Variants in AGBL4 observed in about 807,000 individuals in gnomAD.
AGBL4 encodes the protein cytosolic carboxypeptidase 6.
AGBL4 carries 58 observed loss-of-function variants against 66.4 expected under a neutral mutation model. That is an observed-to-expected ratio of 0.87 (90% CI 0.71 to 1.09). The LOEUF (loss-of-function observed/expected upper bound fraction) is 1.09, where lower values mean the gene tolerates loss of function less well. Among genes scored for constraint, AGBL4 ranks in the 50% least tolerant of loss-of-function variants. The probability of loss-of-function intolerance (pLI) is 0.00; values close to 1 mark genes in which losing one functional copy is unlikely to be tolerated. For missense variants in AGBL4, 579 were observed against 631.0 expected (o/e 0.92, Z 0.88); for synonymous variants, 234 against 222.9 (o/e 1.05, Z -0.44).
chr1:49,937,753 T>G lies in AGBL4; in HGVS notation c.34+86010A>C, dbSNP rs528153367. Among the ~76,000 whole-genome samples the G allele has an allele frequency of 1.3e-3, 195 of 152,042 alleles. 1 individual carries two copies. Among genetic ancestry groups the G allele is most frequent in the Admixed American group, 2.7e-3 (41 of 15,270 alleles). On this transcript the variant is annotated intron_variant, in intron 1 of 13. Coordinates refer to ENST00000371839, the MANE Select transcript of AGBL4 (RefSeq NM_032785.4). ...TCCTGAATGACTACTGGGTACATAA[T>G]GAAATGAAGGCAGAAATAAAGATGT...
intron 1 of AGBL4, among the ~76,000 whole-genome samples, chr1:49,904,177 A>C (rs1650046061): frequency 6.6e-6 from 1 of 152,182 alleles, no homozygotes; most frequent in East Asian, 1.9e-4. Context: ...CCTTAGGGAA[A>C]TATAAATTAA....
At chr1:49,694,082 T>C (rs2124604912) in intron 3 of AGBL4, among the ~76,000 whole-genome samples, 1 of 152,266 alleles carries the variant, frequency 6.6e-6, no homozygotes, top group South Asian at 2.1e-4. Flanking sequence ...TTATACAATA[T>C]ATTTGATGCT....
At chr1:49,556,838 C>T (rs1222243268) in intron 3 of AGBL4, among the ~76,000 whole-genome samples, 1 of 152,108 alleles carries the variant, frequency 6.6e-6, no homozygotes, top group Admixed American at 6.6e-5. Context: ...AGGTCCTGAG[C>T]CCTGCCCTGC....
intron 2 of AGBL4, among the ~76,000 whole-genome samples, chr1:49,731,471 C>T (rs976519950): frequency 4.6e-5 from 7 of 152,154 alleles, no homozygotes; most frequent in East Asian, 1.9e-4. Flanking sequence ...ATAATAAATA[C>T]GTGCTGAATC....
intron 8 of AGBL4, chr1:48,647,514 G>C (rs1645856323): frequency 5.6e-6 from 2 of 357,314 alleles, no homozygotes; most frequent in Admixed American, 7.4e-5. Context: ...AGATTTTTAT[G>C]CCCAGAAACA....
At position 49,857,231 on chromosome 1, in the gene AGBL4, A is replaced by G. The variant is rs919673923; in HGVS notation, c.35-5713T>C. ...CTGATGAATATAAAAATAAAACACG[A>G]ACAAATAAAACAACCTCCCATGCTC... On this transcript the variant is annotated intron_variant, in intron 1 of 13. Coordinates refer to ENST00000371839, the MANE Select transcript of AGBL4 (RefSeq NM_032785.4). 3.3e-5 allele frequency among the ~76,000 whole-genome samples: 5 copies of G among 152,106 alleles called. No individual in the cohort carries two copies. In the East Asian group the frequency reaches 7.7e-4, roughly 23 times the overall value.
intron 4 of AGBL4, among the ~76,000 whole-genome samples, chr1:49,199,620 C>T (rs1271250123): frequency 6.6e-6 from 1 of 152,174 alleles, no homozygotes; most frequent in East Asian, 1.9e-4. Flanking sequence ...GACTACTAGT[C>T]TAGTCCTATT....
intron 3 of AGBL4, among the ~76,000 whole-genome samples, chr1:49,498,885 T>C (rs1647862598): frequency 1.3e-5 from 2 of 152,098 alleles, no homozygotes; most frequent in Admixed American, 1.3e-4. Context: ...TGTTGAACCA[T>C]CCTTACATTC....
chr1:48,631,583 C>T (rs916015028), intron 9 of AGBL4, among the ~76,000 whole-genome samples: 6 of 151,888 alleles, frequency 4.0e-5, no homozygotes, highest in Admixed American at 1.3e-4. Context: ...TAGTAGAGAC[C>T]GGGTTTTGCC....
In AGBL4 at chr1:49,881,031, G is replaced by A. The variant is rs187610265; in HGVS notation, c.35-29513C>T. On this transcript the variant is annotated intron_variant, in intron 1 of 13. Transcript: ENST00000371839. ...CCCTGCTTAGGCTCGCGCACAGTGC[G>A]CGCACCCACTGGCCTGCGCCCACTG... Among the ~76,000 whole-genome samples, 67 of 152,236 alleles carry A rather than the reference G, an allele frequency of 4.4e-4. 1 individual carries two copies. The highest frequency in any genetic ancestry group is 3.1e-3 in the Admixed American group (47 of 15,298).
chr1:48,756,645 C>T (rs536192391), intron 6 of AGBL4, among the ~76,000 whole-genome samples: 13 of 152,222 alleles, frequency 8.5e-5, no homozygotes, highest in African/African-American at 3.1e-4. Context: ...AAACATACAA[C>T]CTCCTCTTAA....
At chr1:49,947,996 A>G (rs1195241525) in intron 1 of AGBL4, among the ~76,000 whole-genome samples, 5 of 39,994 alleles carry the variant, frequency 1.3e-4, no homozygotes, top group East Asian at 3.0e-4. Flanking sequence ...ATTTATATAT[A>G]TAAATATATA....
chr1:49,774,487 G>T (rs141631164), intron 2 of AGBL4, among the ~76,000 whole-genome samples: 1 of 152,186 alleles, frequency 6.6e-6, no homozygotes, highest in African/African-American at 2.4e-5. Context: ...TTTATATGGG[G>T]CAGGTGGAGG....
At chr1:48,879,168 T>C (rs971757950) in intron 5 of AGBL4, among the ~76,000 whole-genome samples, 8 of 151,662 alleles carry the variant, frequency 5.3e-5, no homozygotes, top group Admixed American at 5.3e-4. Flanking sequence ...TACCTTTTGT[T>C]ACATGGAGAA....
intron 3 of AGBL4, among the ~76,000 whole-genome samples, chr1:49,466,010 G>A (rs1358096314): frequency 6.6e-6 from 1 of 151,804 alleles, no homozygotes; most frequent in African/African-American, 2.4e-5. Context: ...ATACCTGGGC[G>A]TGGCAAGGCC....
intron 1 of AGBL4, among the ~76,000 whole-genome samples, chr1:49,990,199 T>C (rs1403861426): frequency 6.6e-6 from 1 of 152,228 alleles, no homozygotes; most frequent in Non-Finnish European, 1.5e-5. Context: ...GTAATACCAA[T>C]GTAAAGATGG....
intron 4 of AGBL4, among the ~76,000 whole-genome samples, chr1:49,225,412 C>T (rs1018197450): frequency 6.6e-6 from 1 of 152,192 alleles, no homozygotes; most frequent in Admixed American, 6.5e-5. Flanking sequence ...AAGATACACG[C>T]TATTTAGCTT....
chr1:49,482,549 C>G (rs1441970192), intron 3 of AGBL4, among the ~76,000 whole-genome samples: 2 of 129,076 alleles, frequency 1.5e-5, no homozygotes, highest in Non-Finnish European at 3.4e-5. Flanking sequence ...AGCTAGCAGT[C>G]TATCTACTTT....
At chr1:48,851,202 C>T (rs929658198) in intron 6 of AGBL4, among the ~76,000 whole-genome samples, 8 of 152,184 alleles carry the variant, frequency 5.3e-5, no homozygotes, top group Admixed American at 5.2e-4. Context: ...CACAGCAGCC[C>T]ATGTCTGGGC....
Sources: allele counts gnomAD v4.1 joint callset (sites outside exome capture counted in the v4.1 genomes callset), GRCh38; gene constraint gnomAD v4.1.1; transcripts MANE v1.5; gene names NCBI Gene and HGNC (gene_info 2026-07-23, HGNC 2026-07-21).